COMMD10: variants seen among roughly 807,000 people sequenced by gnomAD.
COMMD10 encodes the protein COMM domain containing 10.
COMMD10 carries 33 observed loss-of-function variants against 28.9 expected under a neutral mutation model. The ratio of observed to expected loss-of-function variants is 1.14; its 90% CI spans 0.87 to 1.53. The LOEUF (loss-of-function observed/expected upper bound fraction) is 1.53. Ranked by LOEUF, COMMD10 falls within the 40% of genes most tolerant of loss-of-function variation. COMMD10 has a pLI of 0.00. For missense variants in COMMD10, 310 were observed against 233.4 expected (o/e 1.33, Z -2.14); for synonymous variants, 110 against 81.7 (o/e 1.35, Z -1.87).
At chr5:116,267,142 A>T (rs1340042588) in intron 5 of COMMD10, among the ~76,000 whole-genome samples, 1 of 151,898 alleles carries the variant, frequency 6.6e-6, no homozygotes, top group Non-Finnish European at 1.5e-5. Flanking sequence ...AATTAGGAAA[A>T]GAGGAAGTCA....
intron 5 of COMMD10, among the ~76,000 whole-genome samples, chr5:116,184,505 T>G (rs1478300744): frequency 1.3e-5 from 2 of 152,020 alleles, no homozygotes; most frequent in African/African-American, 4.8e-5. Flanking sequence ...ACCCCGCCTT[T>G]CTGGGTTGAT....
intron 5 of COMMD10, among the ~76,000 whole-genome samples, chr5:116,268,909 G>A (rs770104662): frequency 7.9e-5 from 12 of 151,202 alleles, no homozygotes; most frequent in Non-Finnish European, 1.3e-4. Context: ...AGAACACTTG[G>A]ACACAGAGAG....
chr5:116,220,070 C>T (rs1580559113), intron 5 of COMMD10, among the ~76,000 whole-genome samples: 1 of 152,080 alleles, frequency 6.6e-6, no homozygotes, highest in East Asian at 1.9e-4. Context: ...CCTTGAAAGT[C>T]AGTTATCAAA....
At chr5:116,118,469 A>G (rs890096434) in intron 4 of COMMD10, among the ~76,000 whole-genome samples, 3 of 150,586 alleles carry the variant, frequency 2.0e-5, no homozygotes, top group Non-Finnish European at 4.4e-5. Flanking sequence ...AAACTGTGCT[A>G]TTTTTAAGTT....
intron 5 of COMMD10, among the ~76,000 whole-genome samples, chr5:116,262,495 G>A (rs1297217373): frequency 6.6e-6 from 1 of 151,592 alleles, no homozygotes; most frequent in African/African-American, 2.4e-5. Flanking sequence ...ACAAATGCCT[G>A]CATTTCATCA....
intron 5 of COMMD10, among the ~76,000 whole-genome samples, chr5:116,234,407 A>T (rs1289598294): frequency 6.6e-6 from 1 of 152,206 alleles, no homozygotes; most frequent in Non-Finnish European, 1.5e-5. Context: ...CAATTTTAGA[A>T]TAATTATTAG....
At chr5:116,144,864 G>C (rs185657128) in intron 5 of COMMD10, among the ~76,000 whole-genome samples, 1 of 151,916 alleles carries the variant, frequency 6.6e-6, no homozygotes, top group East Asian at 1.9e-4. Flanking sequence ...TCAGTAAATG[G>C]AGATACTAGA....
intron 5 of COMMD10, among the ~76,000 whole-genome samples, chr5:116,250,367 G>A (rs1455570752): frequency 6.6e-6 from 1 of 151,550 alleles, no homozygotes; most frequent in African/African-American, 2.4e-5. Context: ...TTGAAATGCT[G>A]TGGCGTTTTT....
At chr5:116,254,807 A>G (rs1012661287) in intron 5 of COMMD10, among the ~76,000 whole-genome samples, 11 of 151,702 alleles carry the variant, frequency 7.3e-5, no homozygotes, top group South Asian at 2.1e-4. Context: ...GTAGATGTCT[A>G]TTAGGTCCGC....
At chr5:116,269,381 C>G (rs1750694808) in intron 5 of COMMD10, among the ~76,000 whole-genome samples, 1 of 151,800 alleles carries the variant, frequency 6.6e-6, no homozygotes, top group African/African-American at 2.4e-5. Context: ...AATTTATGAA[C>G]CAAGTTATAC....
chr5:116,248,962 A>G (rs1750036419), intron 5 of COMMD10, among the ~76,000 whole-genome samples: 1 of 152,016 alleles, frequency 6.6e-6, no homozygotes. Flanking sequence ...ATCAAGTAAT[A>G]ATAAGTAACA....
At chr5:116,208,980 T>C (rs1748887887) in intron 5 of COMMD10, among the ~76,000 whole-genome samples, 2 of 152,144 alleles carry the variant, frequency 1.3e-5, no homozygotes. Context: ...TTTTCTAAAT[T>C]TTTACTTTTG....
At chr5:116,269,501 A>C (rs712565) in intron 5 of COMMD10, among the ~76,000 whole-genome samples, 60,827 of 151,686 alleles carry the variant, frequency 0.4, 14,489 homozygotes, top group Non-Finnish European at 0.53. Flanking sequence ...ATGCAGTTCA[A>C]GTTAGAAAAA....
At chr5:116,112,080 A>T (rs1022464412) in intron 4 of COMMD10, among the ~76,000 whole-genome samples, 1 of 152,076 alleles carries the variant, frequency 6.6e-6, no homozygotes, top group Non-Finnish European at 1.5e-5. Flanking sequence ...TCCTTTGAAC[A>T]TTTCTTGTAG....
At chr5:116,134,321 G>A in intron 5 of COMMD10, 143 bp downstream of exon 5, 1 of 544,946 alleles carries the variant, frequency 1.8e-6, no homozygotes, top group Non-Finnish European at 3.3e-6. Context: ...TTTTTTGACA[G>A]AAATAGCTTA....
At chr5:116,206,840 T>A (rs138668617) in intron 5 of COMMD10, among the ~76,000 whole-genome samples, 2 of 152,284 alleles carry the variant, frequency 1.3e-5, no homozygotes, top group East Asian at 3.9e-4. Context: ...CCAGCCAGTG[T>A]GGGATATTCA....
intron 5 of COMMD10, among the ~76,000 whole-genome samples, chr5:116,156,061 T>C (rs1752696573): frequency 6.6e-6 from 1 of 152,138 alleles, no homozygotes. Flanking sequence ...TAGACTTTGT[T>C]ACTAAATAGC....
intron 5 of COMMD10, among the ~76,000 whole-genome samples, chr5:116,189,858 G>T (rs187563168): frequency 0.016 from 2,429 of 152,264 alleles, 65 homozygotes; most frequent in African/African-American, 0.056. Context: ...TTCAGTTGTT[G>T]CTGTTTATTA....
chr5:116,275,947 G>GA (rs35220875), intron 5 of COMMD10, among the ~76,000 whole-genome samples: 4,429 of 146,370 alleles, frequency 0.03, 117 homozygotes, highest in East Asian at 0.14. Context: ...GAAATAAACT[G>GA]AAAAAAAAAT....
Sources: allele counts gnomAD v4.1 joint callset (sites outside exome capture counted in the v4.1 genomes callset), GRCh38; gene constraint gnomAD v4.1.1; transcripts MANE v1.5; gene names NCBI Gene and HGNC (gene_info 2026-07-23, HGNC 2026-07-21).